SPAG6: variants seen among roughly 807,000 people sequenced by gnomAD.
The protein encoded by SPAG6 is sperm associated antigen 6, also known as sperm-associated antigen 6.
A neutral mutation model predicts 58.5 loss-of-function variants in SPAG6; 49 were observed. The observed-to-expected ratio is 0.84, with a 90% confidence interval of 0.67 to 1.06. The LOEUF (loss-of-function observed/expected upper bound fraction) is 1.06, where lower values mean the gene tolerates loss of function less well. Among genes scored for constraint, SPAG6 ranks in the 50% least tolerant of loss-of-function variants. The pLI, the probability that SPAG6 is intolerant of heterozygous loss-of-function variation, is 0.00. For missense variants in SPAG6, 560 were observed against 611.3 expected (o/e 0.92, Z 0.89); for synonymous variants, 233 against 225.6 (o/e 1.03, Z -0.29).
At position 22,389,370 on chromosome 10, in the gene SPAG6, A is replaced by G. The variant is rs1834135699; in HGVS notation, c.1005+58A>G. 2.6e-6 allele frequency: 4 copies of G among 1,532,716 alleles called. No individual in the cohort carries two copies. The Admixed American group carries it at 5.1e-5, about 20-fold the overall frequency. The allele number at this position is 1,532,716 out of a possible 1,614,324, so 94.9% of individuals were successfully genotyped here. A position where few individuals can be genotyped will look rare whatever the true frequency, so the allele number is the denominator to read the frequency against. On this transcript the variant is annotated intron_variant, in intron 7 of 10. Coordinates refer to ENST00000376624, the MANE Select transcript of SPAG6 (RefSeq NM_012443.4). ...GTAAGAAATTCTAAGACAGAACCACAGATTAATGTTCTCCAACAGAATACA... is the reference window on the plus strand; with the variant it reads ...GTAAGAAATTCTAAGACAGAACCACGGATTAATGTTCTCCAACAGAATACA...
intron 2 of SPAG6, among the ~76,000 whole-genome samples, chr10:22,362,009 A>C (rs1183434468): frequency 3.4e-5 from 5 of 146,774 alleles, no homozygotes; most frequent in Non-Finnish European, 7.5e-5. Flanking sequence ...TATTTATTTC[A>C]TATATTTATT....
At chr10:22,407,449 A>C (rs1257022459) in intron 9 of SPAG6, among the ~76,000 whole-genome samples, 2 of 151,996 alleles carry the variant, frequency 1.3e-5, no homozygotes. Context: ...TTTCTTTAAG[A>C]ATGTTGAATA....
At chr10:22,353,218 A>G (rs567349055) in intron 2 of SPAG6, among the ~76,000 whole-genome samples, 1 of 152,362 alleles carries the variant, frequency 6.6e-6, no homozygotes, top group East Asian at 1.9e-4. Context: ...GGAGCAGATA[A>G]TCCTGTTAGT....
rs774047385 is a variant in SPAG6, at chr10:22,345,719, G to T, written c.26-4G>T. The T allele has an allele frequency of 6.2e-7, 1 of 1,610,176 alleles. No homozygotes were observed. Among genetic ancestry groups the T allele is most frequent in the South Asian group, 1.1e-5 (1 of 90,356 alleles). ...GTGGGCTCCACCGACTCTCTCTCCC[G>T]CAGTGTTCGAGCAATACCAGAAGGC... On this transcript the variant is annotated splice_region_variant and splice_polypyrimidine_tract_variant and intron_variant, in intron 1 of 10. Transcript: ENST00000376624. This position sits in a 1 kb window ranked among gnomAD's most constrained non-coding sequence, Gnocchi z 6.3.
chr10:22,405,235 C>G (rs1321043144), intron 9 of SPAG6, among the ~76,000 whole-genome samples: 1 of 150,804 alleles, frequency 6.6e-6, no homozygotes, highest in Non-Finnish European at 1.5e-5. Context: ...GGGAATGCTT[C>G]CAGTTTTTGC....
At chr10:22,408,721 G>T (rs975285666) in intron 9 of SPAG6, among the ~76,000 whole-genome samples, 1 of 152,186 alleles carries the variant, frequency 6.6e-6, no homozygotes, top group Non-Finnish European at 1.5e-5. Flanking sequence ...AATGGCGGGC[G>T]CCCCTCCCCC....
At chr10:22,401,388 T>C in intron 9 of SPAG6, 111 bp downstream of exon 9, 1 of 668,752 alleles carries the variant, frequency 1.5e-6, no homozygotes, top group Non-Finnish European at 2.7e-6. Context: ...ATGGTTTTAC[T>C]GCTTAACTCT....
At position 22,413,066 on chromosome 10, in the gene SPAG6, CAAAAAAAAA is replaced by C. The variant is rs775680159; in HGVS notation, c.1460+1904_1460+1912del. 72 of 43,312 alleles carry C rather than the reference CAAAAAAAAA, an allele frequency of 1.7e-3. 1 individual carries two copies. Among genetic ancestry groups the C allele is most frequent in the African/African-American group, 5.4e-3 (62 of 11,476 alleles). The allele number at this position is 43,312 out of a possible 1,614,324, so 2.7% of individuals were successfully genotyped here. ...TTTGTTACAAAGTTACAGAAAGATG[CAAAAAAAAA>C]AAAAAAAAAAAAAGAACTAAAGTGT... On this transcript the variant is annotated intron_variant, in intron 10 of 10. Coordinates refer to ENST00000376624, the MANE Select transcript of SPAG6 (RefSeq NM_012443.4).
intron 2 of SPAG6, chr10:22,361,376 A>G (rs1837033420): frequency 6.6e-6 from 1 of 152,314 alleles, no homozygotes; most frequent in East Asian, 1.9e-4. Context: ...GCCAGATGCA[A>G]TAGAAACATG....
At chr10:22,378,086 CAG>C (rs1332818225) in intron 4 of SPAG6, among the ~76,000 whole-genome samples, 1 of 116,214 alleles carries the variant, frequency 8.6e-6, no homozygotes, top group Non-Finnish European at 1.7e-5. Flanking sequence ...CTTTTTGAGA[CAG>C]AGTCTGACTC....
At chr10:22,360,712 G>C in intron 2 of SPAG6, 1 of 825,674 alleles carries the variant, frequency 1.2e-6, no homozygotes, top group Non-Finnish European at 1.9e-6. Context: ...GTATATGTTG[G>C]GTCCTTCAAG....
intron 9 of SPAG6, among the ~76,000 whole-genome samples, chr10:22,401,992 A>G (rs1303698149): frequency 6.6e-6 from 1 of 152,156 alleles, no homozygotes; most frequent in Non-Finnish European, 1.5e-5. Flanking sequence ...GTAGTAGCCC[A>G]TGGTGGTTAT....
intron 9 of SPAG6, among the ~76,000 whole-genome samples, chr10:22,404,792 TG>T (rs1487239612): frequency 6.6e-6 from 1 of 151,682 alleles, no homozygotes; most frequent in Non-Finnish European, 1.5e-5. Context: ...TCCATTTGTT[TG>T]TATCCTCTTT....
intron 8 of SPAG6, among the ~76,000 whole-genome samples, chr10:22,396,537 C>G (rs1328809619): frequency 1.3e-5 from 2 of 152,162 alleles, no homozygotes; most frequent in Non-Finnish European, 2.9e-5. Context: ...TATGTTTACT[C>G]TCCAACACTG....
chr10:22,346,729 AG>A (rs1008891395), intron 2 of SPAG6, among the ~76,000 whole-genome samples: 5 of 152,102 alleles, frequency 3.3e-5, no homozygotes, highest in African/African-American at 4.8e-5. Flanking sequence ...GGTTTCTTTG[AG>A]GGGAATTACT....
At chr10:22,351,144 G>C (rs749704123) in intron 2 of SPAG6, among the ~76,000 whole-genome samples, 18 of 152,172 alleles carry the variant, frequency 1.2e-4, no homozygotes, top group African/African-American at 4.3e-4. Flanking sequence ...GGAAAATTTG[G>C]TGGCTTTGGA....
rs1588634720 is a variant in SPAG6, at chr10:22,354,859, AT to A, written c.121+9043del. ...CCCCATCTCTACTAAAAATACAAAA[AT>A]TAGCCAGGTGTGGTGGCAGGCGCCT... On this transcript the variant is annotated intron_variant, in intron 2 of 10. Transcript: ENST00000376624. Among the ~76,000 whole-genome samples the A allele has an allele frequency of 5.9e-5, 9 of 152,224 alleles. 1 individual carries two copies. The East Asian group carries it at 1.7e-3, about 30-fold the overall frequency.
Position 22,401,196 on chromosome 10 carries a change from T to C in SPAG6, c.1233T>C (p.Cys411=). The C allele has an allele frequency of 1.2e-6, 2 of 1,603,312 alleles. No homozygotes were observed. The highest frequency in any genetic ancestry group is 1.7e-6 in the Non-Finnish European group (2 of 1,170,396). Residue 411 remains cysteine, a synonymous_variant, in exon 9 of 11, where the codon TGT becomes TGC. Coordinates refer to ENST00000376624, the MANE Select transcript of SPAG6 (RefSeq NM_012443.4). ...KKAIKNILQK[C]TYLPALEPFL... is the part of the protein sequence containing the mutation. The stretch of plus-strand genomic sequence containing the variant: ...CCATAAAGAATATCCTGCAAAAATG[T>C]ACCTACTTACCAGCCCTTGAACCAT...
intron 9 of SPAG6, among the ~76,000 whole-genome samples, chr10:22,402,478 T>C (rs910817111): frequency 6.6e-6 from 1 of 152,232 alleles, no homozygotes. Context: ...TAGAGTCTGC[T>C]AACAGCCTTC....
Sources: gnomAD v4.1 joint callset for allele counts (sites outside exome capture counted in the v4.1 genomes callset) on GRCh38, gnomAD v4.1.1 for gene constraint, Gnocchi (gnomAD v3.1) non-coding constraint, MANE v1.5 for transcripts, NCBI Gene and HGNC (gene_info 2026-07-23, HGNC 2026-07-21) for gene names.